The following HR variants were observed in gnomAD, a reference collection of about 807,000 sequenced individuals.
The protein encoded by HR is HR lysine demethylase and nuclear receptor corepressor.
A neutral mutation model predicts 128.6 loss-of-function variants in HR; 83 were observed. The observed-to-expected ratio is 0.65, with a 90% CI of 0.54 to 0.77. The LOEUF is 0.77. Among genes scored for constraint, HR ranks in the 30% least tolerant of loss-of-function variants. The pLI is 0.00. For missense variants in HR, 1,490 were observed against 1,574.6 expected, an observed-to-expected ratio of 0.95 and a Z score of 0.91; for synonymous variants, 681 against 658.2, an observed-to-expected ratio of 1.03 and a Z score of -0.53.
rs1826791306 is a variant in HR, at chr8:22,122,869, C to T, written c.1926G>A (p.Glu642=). ...GRAREKAGFQ[E]QSAEECTQEA... is the part of the protein sequence containing the mutation. ...CCTGCGTGCACTCCTCCGCGGACTG[C>T]TCCTGAAAGCCTGTGGGGCAGGAAG... Residue 642 remains glutamate (E), a synonymous_variant, in exon 7 of 19, where the codon GAG becomes GAA. Transcript: ENST00000381418. 1 of 1,552,860 alleles carries T rather than the reference C, an allele frequency of 6.4e-7. No individual in the cohort carries two copies. The highest frequency in any genetic ancestry group is 8.7e-7 in the Non-Finnish European group (1 of 1,148,036).
Position 22,121,101 on chromosome 8 carries a change from G to A in HR, c.2331C>T (p.His777=), listed in dbSNP as rs756910909. 1.2e-6 allele frequency: 2 copies of A among 1,613,844 alleles called. No individual in the cohort carries two copies. The highest frequency in any genetic ancestry group is 2.2e-5 in the South Asian group (2 of 91,088). ...VKLCLGHERI[H]MAFAPVTPAL... ...CCGGAGTGACGGGGGCGAAGGCCAT[G>A]TGTATTCGCTCATGGCCCAAGCAGA... Residue 777 remains histidine, a synonymous_variant, in exon 10 of 19, where the codon CAC becomes CAT. Transcript: ENST00000381418.
At position 22,127,620 on chromosome 8, in the gene HR, C is replaced by T; in HGVS notation, c.822G>A (p.Val274=). 2.5e-6 allele frequency: 4 copies of T among 1,610,932 alleles called. No individual in the cohort carries two copies. Among genetic ancestry groups the T allele is most frequent in the Non-Finnish European group, 3.4e-6 (4 of 1,179,470 alleles). ...CPLFLGQPDT[V]PWTSWPACPP... ...GACAAGCGGGCCAGGAGGTCCAGGG[C>T]ACAGTGTCTGGCTGCCCCAGGAAGA... The change falls in exon 3 of 19, where the codon GTG becomes GTA. Residue 274 remains valine (V), a synonymous_variant. Transcript: ENST00000381418.
chr8:22,122,871 C>T lies in HR; in HGVS notation c.1924G>A (p.Glu642Lys). The T allele has an allele frequency of 1.3e-6, 2 of 1,552,492 alleles. No individual in the cohort carries two copies. The highest frequency in any genetic ancestry group is 1.4e-5 in the African/African-American group (1 of 73,202). Residue 642 changes from glutamate to lysine, a missense_variant, in exon 7 of 19, where the codon GAG becomes AAG. This residue lies in a region of HR where 1,060 missense variants were observed against 1,060.9 expected (regional missense o/e 1.00). Transcript: ENST00000381418. ...GRAREKAGFQ[E>K]QSAEECTQEA... ...TGCGTGCACTCCTCCGCGGACTGCT[C>T]CTGAAAGCCTGTGGGGCAGGAAGGG...
At position 22,116,761 on chromosome 8, in the gene HR, T is replaced by A; in HGVS notation, c.3378+114A>T. On this transcript the variant is annotated intron_variant, in intron 17 of 18. Coordinates refer to ENST00000381418, the MANE Select transcript of HR (RefSeq NM_005144.5). This position sits in a 1 kb window ranked among gnomAD's most constrained non-coding sequence, Gnocchi z 4.2. ...TCTCTTCCCCACAGCAGCGTGCGGC[T>A]CCCTGCCCTGCCCGGCTCTTGGGTA... The A allele has an allele frequency of 4.3e-6, 6 of 1,403,916 alleles. No homozygotes were observed. The highest frequency in any genetic ancestry group is 2.5e-5 in the East Asian group (1 of 40,284). 87.0% of individuals were successfully genotyped at this position (1,403,916 alleles called of 1,614,324 possible).
intron 6 of HR, 33 bp downstream of exon 6, chr8:22,123,616 A>AGGGGGGCC: frequency 3.6e-6 from 2 of 562,346 alleles, no homozygotes; most frequent in Non-Finnish European, 6.0e-6. Context: ...TGAGGGCTCC[A>AGGGGGGCC]TCCCGCCCTC....
At position 22,122,849 on chromosome 8, in the gene HR, G is replaced by A. The variant is rs750804675; in HGVS notation, c.1946C>T (p.Thr649Met). ...GFQEQSAEEC[T>M]QEAGHAACSL... ...ACAGGCAGCGTGCCCGGCCTCCTGC[G>A]TGCACTCCTCCGCGGACTGCTCCTG... The change falls in exon 7 of 19, where the codon ACG becomes ATG. Residue 649 changes from threonine to methionine, a missense_variant. Physicochemically the swap from Thr to Met is moderately conservative, Grantham distance 81. This residue lies in a region of HR where 1,060 missense variants were observed against 1,060.9 expected (regional missense o/e 1.00). Coordinates refer to ENST00000381418, the MANE Select transcript of HR (RefSeq NM_005144.5). The A allele has an allele frequency of 2.6e-5, 41 of 1,555,530 alleles. No homozygotes were observed. The highest frequency in any genetic ancestry group is 1.5e-4 in the East Asian group (6 of 41,198).
Position 22,116,810 on chromosome 8 carries a change from G to A in HR, c.3378+65C>T, listed in dbSNP as rs749660673. On this transcript the variant is annotated intron_variant, in intron 17 of 18. Transcript: ENST00000381418. This position sits in a 1 kb window ranked among gnomAD's most constrained non-coding sequence, Gnocchi z 4.2. ...TATTGAGGGGATGTTGGATGCCTGCGGCCTTGATTGGGTCGCTTCTGCCAT... is the reference window on the plus strand; with the variant it reads ...TATTGAGGGGATGTTGGATGCCTGCAGCCTTGATTGGGTCGCTTCTGCCAT... The A allele has an allele frequency of 6.8e-5, 104 of 1,530,026 alleles. No individual in the cohort carries two copies. The highest frequency in any genetic ancestry group is 5.6e-4 in the African/African-American group (41 of 73,036). 94.8% of individuals were successfully genotyped at this position (1,530,026 alleles called of 1,614,324 possible).
chr8:22,121,526 G>A (rs1487995320), intron 9 of HR, 87 bp downstream of exon 9: 26 of 1,410,360 alleles, frequency 1.8e-5, no homozygotes, highest in Admixed American at 8.4e-5. Context: ...TAAAGTCCCC[G>A]GAGACTTCCG....
chr8:22,117,974 C>G (rs1052533259), intron 16 of HR: 1 of 152,330 alleles, frequency 6.6e-6, no homozygotes, highest in African/African-American at 2.4e-5. Context: ...CTGTGCCCCT[C>G]AGCCCTGCCC....
Position 22,128,899 on chromosome 8 carries a change from A to T in HR, c.272T>A (p.Leu91Gln). Reference protein sequence around the residue: ...PQNGERKVNWLGSKEGLRWKE... With the variant: ...PQNGERKVNWQGSKEGLRWKE... ...CCAGCGCAGTCCCTCTTTGCTGCCC[A>T]GCCAGTTGACCTTCCTCTCCCCATT... Residue 91 changes from leucine to glutamine, a missense_variant, in exon 2 of 19, where the codon CTG becomes CAG. By Grantham distance (113) the Leu-to-Gln change is moderately radical (BLOSUM62 -2). Transcript: ENST00000381418. 6.2e-7 allele frequency: 1 copy of T among 1,613,502 alleles called. No homozygotes were observed. The highest frequency in any genetic ancestry group is 8.5e-7 in the Non-Finnish European group (1 of 1,180,008).
chr8:22,128,093 G>A, intron 2 of HR: 1 of 582,808 alleles, frequency 1.7e-6, no homozygotes, highest in East Asian at 2.9e-5. Context: ...AGGGCATCTG[G>A]GGTCTGTTTG....
chr8:22,127,230 C>A lies in HR; in HGVS notation c.1212G>T (p.Pro404=). 1 of 1,613,102 alleles carries A rather than the reference C, an allele frequency of 6.2e-7. No homozygotes were observed. Among genetic ancestry groups the A allele is most frequent in the Non-Finnish European group, 8.5e-7 (1 of 1,180,022 alleles). The change falls in exon 3 of 19, where the codon CCG becomes CCT. Residue 404 remains proline, a synonymous_variant. Coordinates refer to ENST00000381418, the MANE Select transcript of HR (RefSeq NM_005144.5). ...PRGCPEVEER[P]VARLRALKRA... ...TTTTGAGGGCCCGGAGCCGAGCAACCGGCCTCTCCTCGACCTCAGGGCAGC... is the reference window on the plus strand; with the variant it reads ...TTTTGAGGGCCCGGAGCCGAGCAACAGGCCTCTCCTCGACCTCAGGGCAGC...
intron 9 of HR, 107 bp from the exon 10 acceptor site, chr8:22,121,335 C>T: frequency 7.0e-7 from 1 of 1,419,106 alleles, no homozygotes; most frequent in Non-Finnish European, 9.7e-7. Flanking sequence ...TGAGCCCACT[C>T]TCCCCAGCCA....
At chr8:22,129,894 G>A (rs1387629061) in intron 1 of HR, among the ~76,000 whole-genome samples, 2 of 152,222 alleles carry the variant, frequency 1.3e-5, no homozygotes, top group Admixed American at 6.5e-5. Flanking sequence ...CAGGACAACT[G>A]CAGGGGGCTA....
chr8:22,116,904 C>T lies in HR; in HGVS notation c.3349G>A (p.Val1117Met), dbSNP rs747696916. The T allele has an allele frequency of 1.2e-5, 18 of 1,564,098 alleles. No individual in the cohort carries two copies. The highest frequency in any genetic ancestry group is 3.7e-5 in the Admixed American group (2 of 54,086). ...TGGGGAGCCCCTGCAGGCACCAGCA[C>T]GGCCTCTCCGGGGGCCTGGAGCAGG... ...WTLLQAPGEA[V>M]LVPAGAPHQV... Residue 1117 changes from valine to methionine, a missense_variant, in exon 17 of 19, where the codon GTG becomes ATG. Transcript: ENST00000381418. The surrounding 1 kb of genome is among the most constrained non-coding windows in gnomAD (Gnocchi z 4.2).
chr8:22,128,489 G>C (rs1329572106), intron 2 of HR, 70 bp downstream of exon 2: 1 of 1,590,910 alleles, frequency 6.3e-7, no homozygotes, highest in South Asian at 1.1e-5. Context: ...CAGTGGAAGG[G>C]CATCTTGGGG....
In HR at chr8:22,125,294, C is replaced by T; in HGVS notation, c.1750+17G>A. 3 of 1,557,430 alleles carry T rather than the reference C, an allele frequency of 1.9e-6. No homozygotes were observed. Among genetic ancestry groups the T allele is most frequent in the Non-Finnish European group, 2.6e-6 (3 of 1,151,200 alleles). On this transcript the variant is annotated intron_variant, in intron 5 of 18. Transcript: ENST00000381418. The stretch of plus-strand genomic sequence containing the variant: ...CCCACACAGAGACCCCACGCAGACC[C>T]AGGAGGTCCTGTTCACCTTCCCGCT...
intron 6 of HR, 28 bp downstream of exon 6, chr8:22,123,621 G>A (rs567969146): frequency 1.1e-4 from 47 of 424,454 alleles, no homozygotes; most frequent in South Asian, 4.3e-4. Flanking sequence ...GCTCCATCCC[G>A]CCCTCCCACC....
chr8:22,127,601 C>T lies in HR; in HGVS notation c.841G>A (p.Ala281Thr), dbSNP rs780700238. ...GTATGAACAAGGCCTGGGGGACAAG[C>T]GGGCCAGGAGGTCCAGGGCACAGTG... ...PDTVPWTSWP[A>T]CPPGLVHTLG... Residue 281 changes from alanine (A) to threonine (T), a missense_variant, in exon 3 of 19, where the codon GCT (alanine) becomes ACT (threonine). By Grantham distance (58) the Ala-to-Thr change is moderately conservative (BLOSUM62 0). Coordinates refer to ENST00000381418, the MANE Select transcript of HR (RefSeq NM_005144.5). 1.4e-5 allele frequency: 22 copies of T among 1,611,466 alleles called. No homozygotes were observed. The highest frequency in any genetic ancestry group is 6.7e-5 in the Admixed American group (4 of 59,998).
Sources: gnomAD v4.1 joint callset for allele counts (sites outside exome capture counted in the v4.1 genomes callset) on GRCh38, gnomAD v4.1.1 for gene constraint, gnomAD v4.1.1 regional missense constraint, Gnocchi (gnomAD v3.1) non-coding constraint, MANE v1.5 for transcripts, NCBI Gene and HGNC (gene_info 2026-07-23, HGNC 2026-07-21) for gene names.